The following ZNF536 variants were observed in gnomAD, a reference collection of about 807,000 sequenced individuals.
ZNF536 encodes zinc finger protein 536.
ZNF536 carries 13 observed loss-of-function variants against 84.5 expected under a neutral mutation model. The ratio of observed to expected loss-of-function variants is 0.15; its 90% CI spans 0.10 to 0.24. ZNF536 has a LOEUF of 0.24. ZNF536 is among the 10% of genes least tolerant of loss of function. The probability of loss-of-function intolerance (pLI) is 1.00; values close to 1 mark genes in which losing one functional copy is unlikely to be tolerated. For missense variants in ZNF536, 1,536 were observed against 1,747.5 expected (o/e 0.88, Z 2.16); for synonymous variants, 811 against 742.5 (o/e 1.09, Z -1.50).
In ZNF536 at chr19:30,416,289, ATTTTTTTT is replaced by A. The variant is rs200146840; in HGVS notation, c.-2-27258_-2-27251del. Among the ~76,000 whole-genome samples, 396 of 132,524 alleles carry A rather than the reference ATTTTTTTT, an allele frequency of 3.0e-3. 1 individual carries two copies. Among genetic ancestry groups the A allele is most frequent in the Non-Finnish European group, 4.0e-3 (252 of 63,044 alleles). 86.9% of individuals were successfully genotyped at this position (132,524 alleles called of 152,430 possible). A position where few individuals can be genotyped will look rare whatever the true frequency, so the allele number is the denominator to read the frequency against. ...TTATTAAATTATCTTTGTCCTCTGA[ATTTTTTTT>A]TTTTTTTTTTTTTGGTACATCTTGG... On this transcript the variant is annotated intron_variant, in intron 1 of 4. Coordinates refer to ENST00000355537, the MANE Select transcript of ZNF536 (RefSeq NM_014717.3).
chr19:30,265,648 G>A (rs1440347813), intron 1 of ZNF536, among the ~76,000 whole-genome samples: 1 of 152,172 alleles, frequency 6.6e-6, no homozygotes, highest in African/African-American at 2.4e-5. Flanking sequence ...GGAAAGGATA[G>A]CGAGGGGAGA....
intron 2 of ZNF536, among the ~76,000 whole-genome samples, chr19:30,485,910 A>G (rs1299683586): frequency 1.3e-5 from 2 of 152,022 alleles, no homozygotes; most frequent in Non-Finnish European, 1.5e-5. Context: ...TGCTTTTATC[A>G]TATCTCCAAC....
At chr19:30,281,198 T>G (rs1362920124) in intron 1 of ZNF536, among the ~76,000 whole-genome samples, 4 of 152,144 alleles carry the variant, frequency 2.6e-5, no homozygotes, top group Non-Finnish European at 5.9e-5. Flanking sequence ...TGGAAGTACC[T>G]CTGGCTCTAG....
intron 2 of ZNF536, among the ~76,000 whole-genome samples, chr19:30,471,052 C>T (rs2053614065): frequency 6.6e-6 from 1 of 150,866 alleles, no homozygotes; most frequent in Non-Finnish European, 1.5e-5. Context: ...AACACCTGGG[C>T]TCAAGCAATC....
At position 30,531,877 on chromosome 19, in the gene ZNF536, G is replaced by A. The variant is rs939830215; in HGVS notation, c.2171-2970G>A. On this transcript the variant is annotated intron_variant, in intron 2 of 4. Transcript: ENST00000355537. ...TGACCTCAAGTGATCTACCCACCTC[G>A]GTGTCCCAAAGTGCCAGGATTACAG... Among the ~76,000 whole-genome samples, 8 of 151,614 alleles carry A rather than the reference G, an allele frequency of 5.3e-5. No individual in the cohort carries two copies. In the South Asian group the frequency reaches 1.0e-3, roughly 20 times the overall value.
At chr19:30,550,439 A>T (rs572496623) in intron 4 of ZNF536, among the ~76,000 whole-genome samples, 15 of 152,338 alleles carry the variant, frequency 9.8e-5, no homozygotes, top group African/African-American at 3.6e-4. Context: ...AGCTCCATGC[A>T]TTCTTCCCTT....
chr19:30,573,684 A>G (rs12610504), intron 1 of ZNF536, among the ~76,000 whole-genome samples: 41,353 of 152,158 alleles, frequency 0.27, 5,931 homozygotes, highest in East Asian at 0.42. Flanking sequence ...TTTAGGTATC[A>G]CATGGATAGA....
intron 1 of ZNF536, among the ~76,000 whole-genome samples, chr19:30,650,904 G>T (rs1333694042): frequency 6.6e-6 from 1 of 152,176 alleles, no homozygotes; most frequent in Non-Finnish European, 1.5e-5. Flanking sequence ...AGGAGAGAAT[G>T]GAAGCATATA....
rs77245082 is a variant in ZNF536, at chr19:30,673,790, T to C, written c.170-36967T>C. On this transcript the variant is annotated intron_variant, in intron 1 of 1. Transcript: ENST00000592773. Reference sequence around the variant, plus strand: ...AGGTTCCCCATGTTTATAGGTAAAATATTACTGGTGACCGACACACAGCCT... The same window carrying C: ...AGGTTCCCCATGTTTATAGGTAAAACATTACTGGTGACCGACACACAGCCT... Among the ~76,000 whole-genome samples, 1,048 of 152,302 alleles carry C rather than the reference T, an allele frequency of 6.9e-3. 13 individuals carry two copies. Among genetic ancestry groups the C allele is most frequent in the African/African-American group, 0.024 (988 of 41,550 alleles).
chr19:30,365,540 C>A (rs1700459847), intron 3 of ZNF536, among the ~76,000 whole-genome samples: 1 of 152,178 alleles, frequency 6.6e-6, no homozygotes. Context: ...ATAGCATTGC[C>A]ACTTCTATGA....
intron 2 of ZNF536, among the ~76,000 whole-genome samples, chr19:30,447,202 C>T (rs951914782): frequency 6.6e-6 from 1 of 152,028 alleles, no homozygotes; most frequent in African/African-American, 2.4e-5. Context: ...TTTCTTGATC[C>T]CCCCCACCCT....
chr19:30,674,015 A>T (rs1190680630), intron 1 of ZNF536, among the ~76,000 whole-genome samples: 1 of 152,172 alleles, frequency 6.6e-6, no homozygotes, highest in East Asian at 1.9e-4. Context: ...AATCCTTCAG[A>T]TGGTCAGATT....
chr19:30,438,826 G>A (rs2051875123), intron 1 of ZNF536, among the ~76,000 whole-genome samples: 2 of 152,138 alleles, frequency 1.3e-5, no homozygotes, highest in African/African-American at 2.4e-5. Flanking sequence ...CTACAGGCAC[G>A]CATCACCATG....
intron 1 of ZNF536, among the ~76,000 whole-genome samples, chr19:30,708,008 C>CAAAAAAAA (rs60270540): frequency 1.9e-5 from 2 of 102,956 alleles, no homozygotes; most frequent in Non-Finnish European, 3.9e-5. Context: ...GAGACTCCAT[C>CAAAAAAAA]AAAAAAAAAA....
chr19:30,592,013 C>T (rs2047292415), intron 1 of ZNF536, among the ~76,000 whole-genome samples: 1 of 152,148 alleles, frequency 6.6e-6, no homozygotes, highest in Non-Finnish European at 1.5e-5. Context: ...AACTAACCTG[C>T]CTTGTTCTGC....
intron 2 of ZNF536, among the ~76,000 whole-genome samples, chr19:30,351,871 ATCT>A (rs1443877356): frequency 6.6e-6 from 1 of 152,216 alleles, no homozygotes; most frequent in Non-Finnish European, 1.5e-5. Flanking sequence ...ATGTTAGGAA[ATCT>A]TCTTGCTGGG....
intron 1 of ZNF536, among the ~76,000 whole-genome samples, chr19:30,386,121 TC>T (rs1166912564): frequency 6.6e-6 from 1 of 152,138 alleles, no homozygotes; most frequent in African/African-American, 2.4e-5. Context: ...GGCAACATCC[TC>T]CCATCCCTCA....
At chr19:30,675,477 C>G (rs959123029) in intron 1 of ZNF536, among the ~76,000 whole-genome samples, 3 of 152,216 alleles carry the variant, frequency 2.0e-5, no homozygotes, top group Non-Finnish European at 4.4e-5. Context: ...GGCAACTTTT[C>G]AGGAAGCAGA....
chr19:30,332,263 C>T (rs766669206), intron 2 of ZNF536, among the ~76,000 whole-genome samples: 21 of 152,180 alleles, frequency 1.4e-4, no homozygotes, highest in Non-Finnish European at 2.2e-4. Context: ...CTCCCTCCAC[C>T]AATCTGCCAC....
Sources: allele counts gnomAD v4.1 joint callset (sites outside exome capture counted in the v4.1 genomes callset), GRCh38; gene constraint gnomAD v4.1.1; transcripts MANE v1.5; gene names NCBI Gene and HGNC (gene_info 2026-07-23, HGNC 2026-07-21).